Variants in PIEZO1 observed in about 807,000 individuals in gnomAD.
The protein encoded by PIEZO1 is piezo type mechanosensitive ion channel component 1 (Er blood group).
In PIEZO1, 296 loss-of-function variants were observed where a neutral mutation model predicts 297.2. The observed-to-expected ratio is 1.00, with a 90% CI of 0.91 to 1.10. The LOEUF is 1.10. Among genes scored for constraint, PIEZO1 ranks in the 50% least tolerant of loss-of-function variants. PIEZO1 has a pLI of 0.00. For missense variants in PIEZO1, 5,018 were observed against 3,455.5 expected (o/e 1.45, Z -11.34); for synonymous variants, 2,427 against 1,507.5 (o/e 1.61, Z -14.13).
Position 88,782,332 on chromosome 16 carries a change from G to C in PIEZO1, c.64+2569C>G, listed in dbSNP as rs78437201. 5.3e-3 allele frequency among the ~76,000 whole-genome samples: 811 copies of C among 152,054 alleles called. 15 individuals are homozygous for C. The highest frequency in any genetic ancestry group is 0.023 in the East Asian group (118 of 5,152). ...TCTCTACGTTGCCCAGGCTGCTCTC[G>C]AATGGCTACGCTCAAGCAATCCTCC... On this transcript the variant is annotated intron_variant, in intron 1 of 50. Coordinates refer to ENST00000301015, the MANE Select transcript of PIEZO1 (RefSeq NM_001142864.4).
In PIEZO1 at chr16:88,721,419, G is replaced by A. The variant is rs1375596975; in HGVS notation, c.5415C>T (p.Leu1805=). 6 of 1,549,310 alleles carry A rather than the reference G, an allele frequency of 3.9e-6. No homozygotes were observed. The highest frequency in any genetic ancestry group is 3.5e-6 in the Non-Finnish European group (4 of 1,146,406). The change falls in exon 39 of 51, where the codon CTC becomes CTT. Residue 1805 remains leucine, a synonymous_variant. Transcript: ENST00000301015. ...ATGGTGAGTCCTCCTCATGGTCCCA[G>A]AGGCCATAGCACTGAGGGGCGGGAG... ...FHRSQLLCYG[L]WDHEEDSPSK...
At position 88,749,409 on chromosome 16, in the gene PIEZO1, G is replaced by T; in HGVS notation, c.135C>A (p.Pro45=). ...CTTGGAGGCCGCATCGGGTGGGGCC[G>T]GGGAACCAGGGCAGCAGCAGCAGGA... ...LLFLLLLPWF[P]GPTRCGLQGH... The change falls in exon 2 of 51, where the codon CCC becomes CCA. Residue 45 remains proline, a synonymous_variant. Transcript: ENST00000301015. 1 of 1,519,238 alleles carries T rather than the reference G, an allele frequency of 6.6e-7. No individual in the cohort carries two copies. Among genetic ancestry groups the T allele is most frequent in the Non-Finnish European group, 8.8e-7 (1 of 1,140,240 alleles). 94.1% of individuals were successfully genotyped at this position (1,519,238 alleles called of 1,614,324 possible).
chr16:88,721,130 G>T (rs761768867), intron 39 of PIEZO1, 36 bp downstream of exon 39: 4 of 1,456,970 alleles, frequency 2.7e-6, no homozygotes, highest in Non-Finnish European at 3.6e-6. Flanking sequence ...TCAGAAAACT[G>T]GGTAGGCAGG....
chr16:88,726,175 G>A, intron 27 of PIEZO1, 109 bp downstream of exon 27: 1 of 878,960 alleles, frequency 1.1e-6, no homozygotes, highest in Non-Finnish European at 1.7e-6. Context: ...GTCACAGAGT[G>A]GCAGAGCCTG....
At chr16:88,782,402 G>A (rs1376790658) in intron 1 of PIEZO1, among the ~76,000 whole-genome samples, 1 of 152,142 alleles carries the variant, frequency 6.6e-6, no homozygotes, top group Non-Finnish European at 1.5e-5. Flanking sequence ...GTGAGCCATC[G>A]CGCCCAGCCC....
intron 44 of PIEZO1, 84 bp downstream of exon 44, chr16:88,719,490 G>A (rs1912273088): frequency 7.5e-7 from 1 of 1,339,530 alleles, no homozygotes; most frequent in Non-Finnish European, 1.0e-6. Context: ...CAGCACCACG[G>A]GTTCTCGTGG....
chr16:88,768,562 G>A (rs947896346), intron 1 of PIEZO1, among the ~76,000 whole-genome samples: 1 of 152,220 alleles, frequency 6.6e-6, no homozygotes. Flanking sequence ...GAACTCCCGG[G>A]GGTCCCGGGT....
At chr16:88,723,636 A>C (rs1235274895) in intron 31 of PIEZO1, among the ~76,000 whole-genome samples, 1 of 152,268 alleles carries the variant, frequency 6.6e-6, no homozygotes, top group Non-Finnish European at 1.5e-5. Context: ...GGCAGCCACC[A>C]GAACCTGGGT....
intron 1 of PIEZO1, among the ~76,000 whole-genome samples, chr16:88,783,572 T>C (rs538963455): frequency 6.6e-6 from 1 of 152,286 alleles, no homozygotes; most frequent in South Asian, 2.1e-4. Context: ...AGACTCTGCC[T>C]CTGTGCCAGG....
At chr16:88,735,431 G>A (rs944124045) in intron 12 of PIEZO1, among the ~76,000 whole-genome samples, 185 bp from the exon 13 acceptor site, 4 of 152,256 alleles carry the variant, frequency 2.6e-5, no homozygotes, top group African/African-American at 9.6e-5. Flanking sequence ...AGGCACACGA[G>A]CACACACTCT....
chr16:88,770,799 G>A (rs921190831), intron 1 of PIEZO1, among the ~76,000 whole-genome samples: 10 of 152,222 alleles, frequency 6.6e-5, no homozygotes, highest in East Asian at 5.8e-4. Flanking sequence ...GGCCCCGCGC[G>A]GCCCTGCCAT....
Position 88,736,295 on chromosome 16 carries a change from G to C in PIEZO1, c.1410C>G (p.Ile470Met). The C allele has an allele frequency of 1.3e-6, 2 of 1,550,236 alleles. No homozygotes were observed. Among genetic ancestry groups the C allele is most frequent in the Non-Finnish European group, 1.7e-6 (2 of 1,146,866 alleles). ...AGCACAGCGTCATCCCATACAGCAG[G>C]ATGCAGGGCGAGCACAGCATGGCCA... Reference protein sequence around the residue: ...HQLAMLCSPCILLYGMTLCCL... With the variant: ...HQLAMLCSPCMLLYGMTLCCL... Residue 470 changes from isoleucine to methionine, a missense_variant, in exon 12 of 51, where the codon ATC (isoleucine) becomes ATG (methionine). Coordinates refer to ENST00000301015, the MANE Select transcript of PIEZO1 (RefSeq NM_001142864.4).
chr16:88,782,965 G>T (rs1908004129), intron 1 of PIEZO1, among the ~76,000 whole-genome samples: 1 of 152,240 alleles, frequency 6.6e-6, no homozygotes, highest in Non-Finnish European at 1.5e-5. Context: ...TCAGTGTGGG[G>T]TATGGCCCGG....
intron 5 of PIEZO1, chr16:88,739,543 T>C (rs1033259989): frequency 6.6e-6 from 1 of 152,168 alleles, no homozygotes; most frequent in Non-Finnish European, 1.5e-5. Flanking sequence ...GGCTGGACGA[T>C]AGGCCCCACC....
Position 88,738,105 on chromosome 16 carries a change from C to G in PIEZO1, c.849G>C (p.Arg283Ser). The G allele has an allele frequency of 6.5e-7, 1 of 1,535,814 alleles. No individual in the cohort carries two copies. The highest frequency in any genetic ancestry group is 8.7e-7 in the Non-Finnish European group (1 of 1,146,838). Reference sequence around the variant, plus strand: ...CCACGAAGTCCTTGAGACCCAGCACCCTGTCCAGAGAAGACCCGTCACAGC... The same window carrying G: ...CCACGAAGTCCTTGAGACCCAGCACGCTGTCCAGAGAAGACCCGTCACAGC... The part of the protein sequence containing the change: ...ALLPPAGIWA[R>S]VLGLKDFVGP... Residue 283 changes from arginine (R) to serine (S), a missense_variant and splice_region_variant, in exon 8 of 51, where the codon AGG becomes AGC. Coordinates refer to ENST00000301015, the MANE Select transcript of PIEZO1 (RefSeq NM_001142864.4).
At chr16:88,766,946 C>T (rs1383342224) in intron 1 of PIEZO1, among the ~76,000 whole-genome samples, 1 of 152,230 alleles carries the variant, frequency 6.6e-6, no homozygotes, top group African/African-American at 2.4e-5. Flanking sequence ...TCACTTTCCT[C>T]TTCTCCACTT....
chr16:88,731,628 T>A, intron 22 of PIEZO1, 78 bp downstream of exon 22: 1 of 1,136,222 alleles, frequency 8.8e-7, no homozygotes, highest in Non-Finnish European at 1.3e-6. Context: ...GACAGGAGTC[T>A]GGGGCAGGCG....
Position 88,723,908 on chromosome 16 carries a change from G to T in PIEZO1, c.4298C>A (p.Pro1433His), listed in dbSNP as rs1241471080. The T allele has an allele frequency of 1.9e-6, 3 of 1,549,626 alleles. No homozygotes were observed. The highest frequency in any genetic ancestry group is 2.4e-5 in the South Asian group (2 of 84,054). Residue 1433 changes from proline to histidine, a missense_variant, in exon 31 of 51, where the codon CCT (proline) becomes CAT (histidine). Physicochemically the swap from Pro to His is moderately conservative, Grantham distance 77 (BLOSUM62 -2). Transcript: ENST00000301015. ...SDSEEEEEAV[P>H]EDPRPSAQSA... ...CTGTGCCGACGGCCTCGGGTCTTCA[G>T]GAACAGCCTCCTCCTCTTCCTCACT... is the stretch of plus-strand genomic sequence containing the variant.
Position 88,719,680 on chromosome 16 carries a change from A to G in PIEZO1, c.6365T>C (p.Met2122Thr). Residue 2122 changes from methionine (M) to threonine (T), a missense_variant, in exon 44 of 51, where the codon ATG (methionine) becomes ACG (threonine). By Grantham distance (81) the Met-to-Thr change is moderately conservative. Transcript: ENST00000301015. ...VPFLVELRAV[M>T]DWVWTDTTLS... is the part of the protein sequence containing the mutation. ...CGTGGTGTCCGTCCACACCCAGTCC[A>G]TCACTGCCCGCAGCTCCACCAGGAA... 1 of 1,553,020 alleles carries G rather than the reference A, an allele frequency of 6.4e-7. No individual in the cohort carries two copies. Among genetic ancestry groups the G allele is most frequent in the Non-Finnish European group, 8.7e-7 (1 of 1,148,500 alleles).
Sources: allele counts gnomAD v4.1 joint callset (sites outside exome capture counted in the v4.1 genomes callset), GRCh38; gene constraint gnomAD v4.1.1; transcripts MANE v1.5; gene names NCBI Gene and HGNC (gene_info 2026-07-23, HGNC 2026-07-21).